The following AGBL4 variants were observed in gnomAD, a reference collection of about 807,000 sequenced individuals.
The protein encoded by AGBL4 is AGBL carboxypeptidase 4.
A neutral mutation model predicts 66.4 loss-of-function variants in AGBL4; 58 were observed. The ratio of observed to expected loss-of-function variants is 0.87; its 90% CI spans 0.71 to 1.09. The LOEUF (loss-of-function observed/expected upper bound fraction) is 1.09, where lower values mean the gene tolerates loss of function less well. Among genes scored for constraint, AGBL4 ranks in the 50% least tolerant of loss-of-function variants. The pLI, the probability that AGBL4 is intolerant of heterozygous loss-of-function variation, is 0.00. For missense variants in AGBL4, 579 were observed against 631.0 expected (o/e 0.92, Z 0.88); for synonymous variants, 234 against 222.9 (o/e 1.05, Z -0.44).
At chr1:49,233,939 G>A (rs1273496886) in intron 4 of AGBL4, among the ~76,000 whole-genome samples, 4 of 152,076 alleles carry the variant, frequency 2.6e-5, no homozygotes, top group Admixed American at 6.6e-5. Flanking sequence ...AGTGATATAC[G>A]CCACTTTCAG....
intron 4 of AGBL4, among the ~76,000 whole-genome samples, chr1:49,217,904 A>C (rs1011539665): frequency 6.6e-6 from 1 of 152,114 alleles, no homozygotes; most frequent in Non-Finnish European, 1.5e-5. Flanking sequence ...CTCTAATCCA[A>C]TCTTCCTACC....
At chr1:49,565,988 C>T (rs879130440) in intron 3 of AGBL4, among the ~76,000 whole-genome samples, 2 of 152,152 alleles carry the variant, frequency 1.3e-5, no homozygotes, top group Admixed American at 1.3e-4. Context: ...TTCTTGGAGG[C>T]TTTGTTCATT....
intron 3 of AGBL4, among the ~76,000 whole-genome samples, chr1:49,670,388 T>C (rs1326666354): frequency 6.6e-6 from 1 of 152,190 alleles, no homozygotes; most frequent in Non-Finnish European, 1.5e-5. Context: ...GTAAGCTTTT[T>C]AAGTTTACAA....
chr1:48,759,327 G>T (rs1279116751), intron 6 of AGBL4: 2 of 1,532,970 alleles, frequency 1.3e-6, no homozygotes, highest in Admixed American at 2.0e-5. Context: ...GGGCAGCTGG[G>T]ATTTTCTTGG....
chr1:48,609,036 G>A (rs1489675472), intron 9 of AGBL4, among the ~76,000 whole-genome samples: 1 of 152,190 alleles, frequency 6.6e-6, no homozygotes, highest in African/African-American at 2.4e-5. Flanking sequence ...GTTACGTAGG[G>A]AAGCCAAGGG....
intron 3 of AGBL4, among the ~76,000 whole-genome samples, chr1:49,685,910 A>AT (rs1463903422): frequency 1.3e-5 from 2 of 152,080 alleles, no homozygotes; most frequent in East Asian, 1.9e-4. Flanking sequence ...ATTAGGTCCC[A>AT]TTTGTCAATT....
chr1:49,935,092 TGACA>T (rs1159409683), intron 1 of AGBL4, among the ~76,000 whole-genome samples: 1 of 152,102 alleles, frequency 6.6e-6, no homozygotes, highest in Non-Finnish European at 1.5e-5. Context: ...AAGAAAGGGG[TGACA>T]GACAGCACCT....
intron 6 of AGBL4, among the ~76,000 whole-genome samples, chr1:48,721,638 T>C (rs1311590885): frequency 6.6e-6 from 1 of 152,158 alleles, no homozygotes; most frequent in African/African-American, 2.4e-5. Context: ...ATTACCTTCC[T>C]CTCCCCATTT....
rs191744467 is a variant in AGBL4, at chr1:48,703,841, T to C, written c.635-40600A>G. ...AAATTCTATGTTGTATAAAGAGAAG[T>C]AAAAAATTATTGCTTTGTTGTTAAC... is the stretch of plus-strand genomic sequence containing the variant. On this transcript the variant is annotated intron_variant, in intron 6 of 13. Coordinates refer to ENST00000371839, the MANE Select transcript of AGBL4 (RefSeq NM_032785.4). Among the ~76,000 whole-genome samples the C allele has an allele frequency of 1.7e-3, 263 of 152,254 alleles. 2 individuals carry two copies. Among genetic ancestry groups the C allele is most frequent in the African/African-American group, 6.1e-3 (252 of 41,546 alleles).
At chr1:49,542,733 AC>A (rs1218541207) in intron 3 of AGBL4, among the ~76,000 whole-genome samples, 8 of 151,894 alleles carry the variant, frequency 5.3e-5, no homozygotes, top group African/African-American at 1.7e-4. Flanking sequence ...CCCTGTCTCT[AC>A]TAAAAATACA....
At chr1:48,905,229 A>G (rs558615976) in intron 5 of AGBL4, among the ~76,000 whole-genome samples, 2 of 152,304 alleles carry the variant, frequency 1.3e-5, no homozygotes, top group South Asian at 4.1e-4. Flanking sequence ...TATGAAAGAC[A>G]CTTACAACAA....
intron 4 of AGBL4, among the ~76,000 whole-genome samples, chr1:49,078,142 T>C (rs1644745009): frequency 6.6e-6 from 1 of 152,042 alleles, no homozygotes; most frequent in South Asian, 2.1e-4. Context: ...ACTCTAACCC[T>C]GTACTAAGGA....
chr1:49,905,100 A>G (rs962560944), intron 1 of AGBL4, among the ~76,000 whole-genome samples: 7 of 152,212 alleles, frequency 4.6e-5, no homozygotes, highest in African/African-American at 1.7e-4. Context: ...CAGGCAAAGC[A>G]TCATGGCATC....
intron 6 of AGBL4, among the ~76,000 whole-genome samples, chr1:48,836,138 T>C (rs1200502404): frequency 6.6e-6 from 1 of 151,740 alleles, no homozygotes; most frequent in East Asian, 1.9e-4. Flanking sequence ...GTGAATGCAT[T>C]GAGATCTTTA....
chr1:49,942,001 GTAAT>G (rs1331336198), intron 1 of AGBL4, among the ~76,000 whole-genome samples: 1 of 151,870 alleles, frequency 6.6e-6, no homozygotes, highest in Non-Finnish European at 1.5e-5. Context: ...AACTAATAAA[GTAAT>G]TAAGTAAAAT....
intron 3 of AGBL4, among the ~76,000 whole-genome samples, chr1:49,602,855 AT>A (rs1644987753): frequency 6.6e-6 from 1 of 151,496 alleles, no homozygotes; most frequent in Admixed American, 6.6e-5. Flanking sequence ...AAATAAATAA[AT>A]AAATAAATAA....
intron 6 of AGBL4, chr1:48,817,862 T>C (rs1646217731): frequency 3.3e-6 from 2 of 602,222 alleles, no homozygotes; most frequent in Non-Finnish European, 5.9e-6. Context: ...CCAGTGTGTG[T>C]TTTTGTGTGC....
At chr1:48,718,218 C>T (rs1647084509) in intron 6 of AGBL4, among the ~76,000 whole-genome samples, 1 of 152,190 alleles carries the variant, frequency 6.6e-6, no homozygotes, top group South Asian at 2.1e-4. Flanking sequence ...ACTGGAAATC[C>T]CAGTAGGGTC....
At chr1:49,827,803 C>A (rs181479217) in intron 2 of AGBL4, among the ~76,000 whole-genome samples, 61 of 152,280 alleles carry the variant, frequency 4.0e-4, no homozygotes, top group Non-Finnish European at 7.2e-4. Context: ...ACAGTAGGAT[C>A]ATATAGAGAG....
Sources: gnomAD v4.1 joint callset for allele counts (sites outside exome capture counted in the v4.1 genomes callset) on GRCh38, gnomAD v4.1.1 for gene constraint, MANE v1.5 for transcripts, NCBI Gene and HGNC (gene_info 2026-07-23, HGNC 2026-07-21) for gene names.